The following IL1RAPL2 variants were observed in gnomAD, a reference collection of about 807,000 sequenced individuals.
The protein encoded by IL1RAPL2 is X-linked interleukin-1 receptor accessory protein-like 2.
Under a neutral mutation model 44.1 loss-of-function variants are expected in IL1RAPL2, and 3 were observed. That is an observed-to-expected ratio of 0.07 (90% CI 0.03 to 0.18). IL1RAPL2 has a LOEUF of 0.18. Ranked by LOEUF, IL1RAPL2 falls within the 10% of genes least tolerant of loss-of-function variation. The probability of loss-of-function intolerance (pLI) is 1.00; values close to 1 mark genes in which losing one functional copy is unlikely to be tolerated. For synonymous variants in IL1RAPL2, 181 were observed against 178.8 expected (o/e 1.01, Z -0.10); for missense variants, 391 against 496.4 (o/e 0.79, Z 2.02).
rs1394014121 is a variant in IL1RAPL2, at chrX:104,773,055, A to G, written c.82+114060A>G. Among the ~76,000 whole-genome samples the G allele has an allele frequency of 8.1e-5, 9 of 110,884 alleles. No homozygotes were observed. The East Asian group carries it at 2.3e-3, about 28-fold the overall frequency. On this transcript the variant is annotated intron_variant, in intron 2 of 10. Coordinates refer to ENST00000372582, the MANE Select transcript of IL1RAPL2 (RefSeq NM_017416.2). ...CTCCCAAGTAGCTGGGGCTACAGGT[A>G]TGTGTCACCACACCTGGTTGACTTT...
intron 1 of IL1RAPL2, among the ~76,000 whole-genome samples, chrX:104,582,857 T>TTTCTTTCTTTCTTTCTTTCC (rs1447463632): frequency 1.1e-5 from 1 of 92,018 alleles, no homozygotes; most frequent in East Asian, 3.3e-4. Context: ...TCTTTCTTTC[T>TTTCTTTCTTTCTTTCTTTCC]TTCTTTCTTT....
intron 7 of IL1RAPL2, among the ~76,000 whole-genome samples, chrX:105,738,098 A>G: frequency 9.0e-6 from 1 of 111,539 alleles, no homozygotes; most frequent in Non-Finnish European, 1.9e-5. Context: ...CTGCTCTCAA[A>G]TGGGAAGCAG....
chrX:104,846,952 G>A (rs1569325647), intron 2 of IL1RAPL2, among the ~76,000 whole-genome samples: 1 of 112,410 alleles, frequency 8.9e-6, no homozygotes, highest in Non-Finnish European at 1.9e-5. Context: ...GGCCAGTGAT[G>A]ATGAGCGTTT....
rs948448207 is a variant in IL1RAPL2 at position 104,781,700 on chromosome X, A to T, written c.82+122705A>T. On this transcript the variant is annotated intron_variant, in intron 2 of 10. Transcript: ENST00000372582. ...CATTTCTAAGAATGTGAAGCAGAAG[A>T]TGCTCACATCAATTCTGCTTATATC... Among the ~76,000 whole-genome samples, 143 of 112,077 alleles carry T rather than the reference A, an allele frequency of 1.3e-3. 1 individual carries two copies. Among genetic ancestry groups the T allele is most frequent in the African/African-American group, 4.2e-3 (130 of 30,837 alleles).
chrX:104,694,071 A>C (rs911611625), intron 2 of IL1RAPL2, among the ~76,000 whole-genome samples: 5 of 112,043 alleles, frequency 4.5e-5, no homozygotes, highest in Non-Finnish European at 7.5e-5. Context: ...GCTCTGTGGA[A>C]AACATGGCAC....
At chrX:105,024,995 C>G (rs1401324092) in intron 2 of IL1RAPL2, among the ~76,000 whole-genome samples, 2 of 108,393 alleles carry the variant, frequency 1.8e-5, no homozygotes, top group African/African-American at 6.7e-5. Context: ...TCTTTCTGAA[C>G]CATTTTCTCT....
At chrX:104,892,946 C>T (rs1028159667) in intron 2 of IL1RAPL2, among the ~76,000 whole-genome samples, 4 of 112,077 alleles carry the variant, frequency 3.6e-5, no homozygotes, top group African/African-American at 1.3e-4. Context: ...ATAAATTTCC[C>T]TCTACATACT....
At chrX:104,894,412 C>A (rs1923570410) in intron 2 of IL1RAPL2, among the ~76,000 whole-genome samples, 1 of 112,012 alleles carries the variant, frequency 8.9e-6, no homozygotes, top group African/African-American at 3.2e-5. Context: ...TTGTCACTTT[C>A]TGGTACACCA....
At chrX:105,395,977 A>G (rs1367810681) in intron 5 of IL1RAPL2, among the ~76,000 whole-genome samples, 1 of 111,795 alleles carries the variant, frequency 8.9e-6, no homozygotes, top group African/African-American at 3.2e-5. Context: ...TTTGAAAGCC[A>G]TTGCTGCTGG....
At chrX:105,325,193 T>C (rs995786736) in intron 5 of IL1RAPL2, among the ~76,000 whole-genome samples, 24 of 110,912 alleles carry the variant, frequency 2.2e-4, no homozygotes, top group African/African-American at 7.9e-4. Flanking sequence ...TCATATCCAT[T>C]TGCAGTAACT....
intron 2 of IL1RAPL2, among the ~76,000 whole-genome samples, chrX:104,695,935 G>A (rs753836392): frequency 9.0e-6 from 1 of 111,250 alleles, no homozygotes; most frequent in African/African-American, 3.3e-5. Flanking sequence ...AGCCTCCTGA[G>A]TAGCTGGGAT....
chrX:105,348,833 G>T (rs930672027), intron 5 of IL1RAPL2, among the ~76,000 whole-genome samples: 1 of 111,895 alleles, frequency 8.9e-6, no homozygotes, highest in African/African-American at 3.3e-5. Flanking sequence ...CACGATGGGT[G>T]AGGGGTCTAG....
At chrX:104,880,452 C>T (rs1270896561) in intron 2 of IL1RAPL2, among the ~76,000 whole-genome samples, 1 of 111,635 alleles carries the variant, frequency 9.0e-6, no homozygotes, top group Non-Finnish European at 1.9e-5. Flanking sequence ...TTTATTTTTC[C>T]ACTAACTTTT....
intron 2 of IL1RAPL2, among the ~76,000 whole-genome samples, chrX:105,141,590 C>G (rs2033126275): frequency 8.9e-6 from 1 of 111,980 alleles, no homozygotes; most frequent in Non-Finnish European, 1.9e-5. Flanking sequence ...CAGCTTAAGG[C>G]AAGCTGTCAT....
chrX:104,634,257 C>A (rs1929735072), intron 1 of IL1RAPL2, among the ~76,000 whole-genome samples: 1 of 111,584 alleles, frequency 9.0e-6, no homozygotes, highest in Admixed American at 9.6e-5. Context: ...GAGTGGTTTA[C>A]TTCCAACTGT....
chrX:104,774,280 A>G (rs1160110598), intron 2 of IL1RAPL2, among the ~76,000 whole-genome samples: 1 of 111,681 alleles, frequency 9.0e-6, no homozygotes, highest in Non-Finnish European at 1.9e-5. Context: ...ACTCTGCTCT[A>G]TTGTGTCAAT....
At chrX:105,325,170 C>A (rs2034926282) in intron 5 of IL1RAPL2, among the ~76,000 whole-genome samples, 1 of 110,822 alleles carries the variant, frequency 9.0e-6, no homozygotes, top group African/African-American at 3.3e-5. Flanking sequence ...TTCCTTCATC[C>A]CAAAAAGATC....
At chrX:104,985,717 T>G (rs1322207799) in intron 2 of IL1RAPL2, among the ~76,000 whole-genome samples, 3 of 111,916 alleles carry the variant, frequency 2.7e-5, no homozygotes, top group East Asian at 5.7e-4. Flanking sequence ...GGCTTGGTGA[T>G]AAAAAGACAA....
At chrX:105,510,817 C>T (rs1014296217) in intron 6 of IL1RAPL2, among the ~76,000 whole-genome samples, 1 of 111,354 alleles carries the variant, frequency 9.0e-6, no homozygotes, top group Non-Finnish European at 1.9e-5. Context: ...CCTAGAGTAT[C>T]GAGAAAGGGA....
Sources: gnomAD v4.1 joint callset for allele counts (sites outside exome capture counted in the v4.1 genomes callset) on GRCh38, gnomAD v4.1.1 for gene constraint, MANE v1.5 for transcripts, NCBI Gene and HGNC (gene_info 2026-07-23, HGNC 2026-07-21) for gene names.